NTRK1: variants seen among roughly 807,000 people sequenced by gnomAD.
NTRK1 encodes the protein neurotrophic receptor tyrosine kinase 1, also known as high affinity nerve growth factor receptor.
Under a neutral mutation model 86.8 loss-of-function variants are expected in NTRK1, and 62 were observed. The observed-to-expected ratio is 0.71, with a 90% CI of 0.58 to 0.88. The LOEUF (loss-of-function observed/expected upper bound fraction) is 0.88, where lower values mean the gene tolerates loss of function less well. Ranked by LOEUF, NTRK1 falls within the 40% of genes least tolerant of loss-of-function variation. The probability of loss-of-function intolerance (pLI) is 0.00; values close to 1 mark genes in which losing one functional copy is unlikely to be tolerated. For missense variants in NTRK1, 967 were observed against 1,078.4 expected (o/e 0.90, Z 1.45); for synonymous variants, 469 against 456.6 (o/e 1.03, Z -0.35).
chr1:156,868,442 T>C, intron 5 of NTRK1, 63 bp from the exon 6 acceptor site: 1 of 1,548,354 alleles, frequency 6.5e-7, no homozygotes, highest in Admixed American at 2.0e-5. Context: ...AGCCCCGCAG[T>C]AGAGTTCTGG....
chr1:156,860,742 G>A (rs529980457), upstream of NTRK1: 157 of 1,103,462 alleles, frequency 1.4e-4, no homozygotes, highest in Non-Finnish European at 1.8e-4. Flanking sequence ...GGGGGCAGAG[G>A]GGGGGGCGTC....
chr1:156,866,838 C>T (rs1278088942), intron 3 of NTRK1, 72 bp from the exon 4 acceptor site: 10 of 1,514,950 alleles, frequency 6.6e-6, no homozygotes, highest in East Asian at 4.5e-5. Context: ...TGGCTCCTCC[C>T]CTCCCTCATT....
intron 1 of NTRK1, chr1:156,816,011 T>C (rs1295852128): frequency 4.3e-6 from 7 of 1,613,882 alleles, no homozygotes; most frequent in Non-Finnish European, 5.1e-6. Flanking sequence ...CTCACCGCAG[T>C]GTAGCCCAGG....
intron 2 of NTRK1, among the ~76,000 whole-genome samples, chr1:156,850,758 C>T (rs1571668419): frequency 1.3e-5 from 2 of 148,792 alleles, no homozygotes; most frequent in South Asian, 2.2e-4. Flanking sequence ...GGTTTCACCA[C>T]GTTGGCCAGG....
intron 1 of NTRK1, among the ~76,000 whole-genome samples, chr1:156,821,040 A>G (rs1654174586): frequency 6.6e-6 from 1 of 151,828 alleles, no homozygotes; most frequent in African/African-American, 2.4e-5. Flanking sequence ...GAGATCTTTA[A>G]CCTTCTTGGT....
intron 1 of NTRK1, among the ~76,000 whole-genome samples, chr1:156,823,427 C>T (rs116533214): frequency 6.6e-6 from 1 of 152,182 alleles, no homozygotes; most frequent in Non-Finnish European, 1.5e-5. Flanking sequence ...CCAGTCCACC[C>T]TGTGATCGCG....
chr1:156,859,783 A>T (rs1434428851), upstream of NTRK1, among the ~76,000 whole-genome samples: 3 of 151,990 alleles, frequency 2.0e-5, no homozygotes, highest in Non-Finnish European at 2.9e-5. The surrounding 1 kb of genome is among the most constrained non-coding windows in gnomAD (Gnocchi z 6.2). Context: ...AGCCTCTAGG[A>T]GGTCGTCCTT....
chr1:156,875,372 C>T (rs1053787672), intron 11 of NTRK1, 148 bp from the exon 12 acceptor site: 39 of 1,089,424 alleles, frequency 3.6e-5, no homozygotes, highest in Non-Finnish European at 5.4e-5. Flanking sequence ...GGTGGTGCCC[C>T]CTTCCCCCTG....
At chr1:156,871,315 G>A (rs1250843314) in intron 6 of NTRK1, among the ~76,000 whole-genome samples, 1 of 152,184 alleles carries the variant, frequency 6.6e-6, no homozygotes, top group East Asian at 1.9e-4. Context: ...AATACTTTGG[G>A]AGGCCGAGGT....
At chr1:156,879,052 G>A in intron 14 of NTRK1, 70 bp from the exon 15 acceptor site, 1 of 1,585,818 alleles carries the variant, frequency 6.3e-7, no homozygotes, top group Non-Finnish European at 8.6e-7. Flanking sequence ...CGGCTGCTGG[G>A]GATCGCCTTC....
intron 1 of NTRK1, among the ~76,000 whole-genome samples, chr1:156,818,195 G>T (rs1654072156): frequency 6.6e-6 from 1 of 152,150 alleles, no homozygotes; most frequent in East Asian, 1.9e-4. Flanking sequence ...ATGACTATGT[G>T]CTATGCACTG....
intron 1 of NTRK1, among the ~76,000 whole-genome samples, chr1:156,821,453 CTGTG>C (rs59579534): frequency 0.038 from 5,176 of 137,864 alleles, 93 homozygotes; most frequent in South Asian, 0.073. Flanking sequence ...CTAATTTAGC[CTGTG>C]TGTGTGTGTG....
chr1:156,841,009 G>A lies in NTRK1; in HGVS notation c.-63-1072G>A, dbSNP rs1457814634. 3.1e-6 allele frequency: 5 copies of A among 1,610,654 alleles called. No homozygotes were observed. In the South Asian group the frequency reaches 5.5e-5, roughly 18 times the overall value. On this transcript the variant is annotated intron_variant, in intron 1 of 16. Coordinates refer to the NTRK1 transcript ENST00000392302. ...GTAGTAGAAGGAGAGGAGGCGGAAG[G>A]AGGGCCGCAGCTCCTCCTGTATGCT...
At chr1:156,819,001 G>A (rs756672384) in intron 1 of NTRK1, among the ~76,000 whole-genome samples, 13 of 152,014 alleles carry the variant, frequency 8.6e-5, no homozygotes, top group African/African-American at 4.8e-5. Context: ...GTGTCTGTGT[G>A]TGTGTGTGTG....
chr1:156,880,208 C>T (rs2102928180), intron 16 of NTRK1, 51 bp downstream of exon 16: 1 of 1,598,942 alleles, frequency 6.3e-7, no homozygotes. Context: ...TCCCATGCCC[C>T]TTCAGGTTCC....
intron 1 of NTRK1, among the ~76,000 whole-genome samples, chr1:156,817,047 T>TTCTCTCTCCCTCTCTCTCTCTC (rs1654010284): frequency 8.8e-6 from 1 of 113,782 alleles, no homozygotes; most frequent in Non-Finnish European, 1.8e-5. Context: ...GAACTTCCCT[T>TTCTCTCTCCCTCTCTCTCTCTC]TCTCTCTCTC....
chr1:156,880,287 G>A lies in NTRK1; in HGVS notation c.2205+130G>A, dbSNP rs112134861. The A allele has an allele frequency of 2.7e-5, 25 of 929,976 alleles. No individual in the cohort carries two copies. In the East Asian group the frequency reaches 3.6e-4, roughly 13 times the overall value. The allele number at this position is 929,976 out of a possible 1,614,324, so 57.6% of individuals were successfully genotyped here. ...CTGTTGGGGGGCCCTTTCCAGCGCC[G>A]TGCCCACACTGTGTCCCCTCCACTG... is the stretch of plus-strand genomic sequence containing the variant. On this transcript the variant is annotated intron_variant, in intron 16 of 16. Coordinates refer to ENST00000524377, the MANE Select transcript of NTRK1 (RefSeq NM_002529.4).
chr1:156,876,126 G>T lies in NTRK1; in HGVS notation c.1548G>T (p.Leu516=), dbSNP rs2102917381. ...KRRDIVLKWE[L]GEGAFGKVFL... ...GGGACATCGTGCTCAAGTGGGAGCT[G>T]GGGGAGGGCGCCTTTGGGAAGGTCT... Residue 516 remains leucine, a synonymous_variant, in exon 13 of 17, where the codon CTG becomes CTT. Transcript: ENST00000524377. 6.2e-7 allele frequency: 1 copy of T among 1,614,170 alleles called. No individual in the cohort carries two copies. The highest frequency in any genetic ancestry group is 8.5e-7 in the Non-Finnish European group (1 of 1,180,026).
chr1:156,851,738 C>A lies in NTRK1; in HGVS notation c.50+9545C>A, dbSNP rs151105059. On this transcript the variant is annotated intron_variant, in intron 2 of 16. Transcript: ENST00000392302. ...CTGGATGGAGTCGATGGTCTTGGTG[C>A]CTACCTTGCACTCTTTAGGGCACAG... The A allele has an allele frequency of 1.7e-5, 27 of 1,614,056 alleles. No individual in the cohort carries two copies. The highest frequency in any genetic ancestry group is 1.6e-4 in the Middle Eastern group (1 of 6,084).
Sources: gnomAD v4.1 joint callset for allele counts (sites outside exome capture counted in the v4.1 genomes callset) on GRCh38, gnomAD v4.1.1 for gene constraint, Gnocchi (gnomAD v3.1) non-coding constraint, MANE v1.5 for transcripts, NCBI Gene and HGNC (gene_info 2026-07-23, HGNC 2026-07-21) for gene names.